Variants in CHRDL1 observed in about 807,000 individuals in gnomAD.
The protein encoded by CHRDL1 is chordin like 1.
In CHRDL1, 19 loss-of-function variants were observed where a neutral mutation model predicts 40.9. The ratio of observed to expected loss-of-function variants is 0.46; its 90% CI spans 0.32 to 0.68. The LOEUF is 0.68. CHRDL1 is among the 30% of genes least tolerant of loss of function. CHRDL1 has a pLI of 0.03. For missense variants in CHRDL1, 329 were observed against 352.1 expected (o/e 0.93, Z 0.53); for synonymous variants, 136 against 123.4 (o/e 1.10, Z -0.68).
In CHRDL1 at chrX:110,724,455, T is replaced by C. The variant is rs957244753; in HGVS notation, c.302-2925A>G. 1.3e-4 allele frequency among the ~76,000 whole-genome samples: 14 copies of C among 110,049 alleles called. No homozygotes were observed. The East Asian group carries it at 2.9e-3, about 23-fold the overall frequency. The stretch of plus-strand genomic sequence containing the variant: ...GAATCAAAGAAAAAGAAACCAATTA[T>C]GGTCATGCTTAAGGCTAGTTTTATG... On this transcript the variant is annotated intron_variant, in intron 4 of 11. Transcript: ENST00000372042.
chrX:110,675,672 C>CGTGTGT lies in CHRDL1; in HGVS notation c.*558_*559insACACAC, dbSNP rs1245840889. 1 of 56,846 alleles carries CGTGTGT rather than the reference C, an allele frequency of 1.8e-5. No individual in the cohort carries two copies. The highest frequency in any genetic ancestry group is 1.4e-4 in the African/African-American group (1 of 6,940). The allele number at this position is 56,846 out of a possible 1,213,427, so 4.7% of individuals were successfully genotyped here. A position where few individuals can be genotyped will look rare whatever the true frequency, so the allele number is the denominator to read the frequency against. ...AGCTTTCGTTTAATGTGAGTGTGGA[C>CGTGTGT]GTGCGTGTGTGTGTGTGTGTGTGTG... On this transcript the variant is annotated 3_prime_UTR_variant, in exon 12 of 12. Coordinates refer to ENST00000372042, the MANE Select transcript of CHRDL1 (RefSeq NM_001143981.2).
At chrX:110,688,901 T>G (rs1165965882) in intron 8 of CHRDL1, 98 bp from the exon 9 acceptor site, 1 of 628,586 alleles carries the variant, frequency 1.6e-6, no homozygotes, top group Non-Finnish European at 2.5e-6. Context: ...ATATCAAGCA[T>G]CCTTTGTTCT....
At chrX:110,731,971 T>C (rs1193586997) in intron 4 of CHRDL1, among the ~76,000 whole-genome samples, 4 of 108,027 alleles carry the variant, frequency 3.7e-5, no homozygotes, top group African/African-American at 1.4e-4. Context: ...AACCTCAGTA[T>C]GAGGTATGTA....
chrX:110,700,952 T>C (rs1375484149), intron 6 of CHRDL1, among the ~76,000 whole-genome samples: 1 of 111,970 alleles, frequency 8.9e-6, no homozygotes. Context: ...CCTAGCAACA[T>C]TATGCAGAAT....
chrX:110,747,124 T>C (rs2089268999), intron 4 of CHRDL1, among the ~76,000 whole-genome samples: 1 of 110,352 alleles, frequency 9.1e-6, no homozygotes, highest in Non-Finnish European at 1.9e-5. Context: ...CCAAAGCCCT[T>C]CTTCCTTCCC....
At chrX:110,792,315 AT>A (rs963324875) in intron 1 of CHRDL1, 100 bp from the exon 2 acceptor site, 4 of 409,407 alleles carry the variant, frequency 9.8e-6, no homozygotes, top group South Asian at 5.0e-5. Flanking sequence ...TAAAAAAAAA[AT>A]GTCCTAGAAT....
At chrX:110,702,443 T>C (rs1434280030) in intron 6 of CHRDL1, among the ~76,000 whole-genome samples, 4 of 112,106 alleles carry the variant, frequency 3.6e-5, no homozygotes, top group African/African-American at 9.7e-5. Flanking sequence ...CATAACTTTG[T>C]CCAACTGCTC....
At chrX:110,771,256 C>T (rs765194381) in intron 2 of CHRDL1, among the ~76,000 whole-genome samples, 1 of 111,500 alleles carries the variant, frequency 9.0e-6, no homozygotes, top group South Asian at 3.8e-4. Flanking sequence ...GATGGCTCCA[C>T]CGGTGAATTC....
chrX:110,676,980 G>T (rs961811565), intron 11 of CHRDL1, among the ~76,000 whole-genome samples: 4 of 110,793 alleles, frequency 3.6e-5, no homozygotes, highest in Non-Finnish European at 7.6e-5. Flanking sequence ...TATACCCCAT[G>T]GAATCCCTTT....
chrX:110,752,735 C>T (rs1230960635), intron 4 of CHRDL1, among the ~76,000 whole-genome samples: 1 of 111,234 alleles, frequency 9.0e-6, no homozygotes, highest in African/African-American at 3.3e-5. Flanking sequence ...ATCTTGCACA[C>T]TACAGCTATT....
intron 2 of CHRDL1, among the ~76,000 whole-genome samples, chrX:110,789,643 C>T (rs906983691): frequency 9.0e-6 from 1 of 111,683 alleles, no homozygotes; most frequent in African/African-American, 3.2e-5. Flanking sequence ...TGAGCAAAAG[C>T]AAATCACAGA....
At chrX:110,722,583 C>A (rs1039137141) in intron 4 of CHRDL1, among the ~76,000 whole-genome samples, 3 of 112,286 alleles carry the variant, frequency 2.7e-5, no homozygotes, top group African/African-American at 9.7e-5. Context: ...AGTAACCCAG[C>A]AGACCATTTA....
At chrX:110,770,258 C>A (rs867301004) in intron 2 of CHRDL1, among the ~76,000 whole-genome samples, 6 of 111,944 alleles carry the variant, frequency 5.4e-5, no homozygotes, top group Non-Finnish European at 9.4e-5. Flanking sequence ...ATTTTATAAA[C>A]ATTATACATA....
In CHRDL1 at chrX:110,762,727, A is replaced by T; in HGVS notation, c.175T>A (p.Leu59Met). Residue 59 changes from leucine (L) to methionine (M), a missense_variant, in exon 3 of 12, where the codon TTG becomes ATG. Physicochemically the swap from Leu to Met is conservative, Grantham distance 15. Coordinates refer to ENST00000372042, the MANE Select transcript of CHRDL1 (RefSeq NM_001143981.2). ...RWHPYLEPYG[L>M]VYCVNCICSE... ...CAGATGCAGTTCACGCAGTAAACCA[A>T]CCCATAAGGTTCCAGGTAAGGATGC... The T allele has an allele frequency of 6.7e-6, 8 of 1,186,928 alleles. No individual in the cohort carries two copies. Among genetic ancestry groups the T allele is most frequent in the Non-Finnish European group, 9.1e-6 (8 of 874,795 alleles).
intron 6 of CHRDL1, among the ~76,000 whole-genome samples, chrX:110,714,872 T>A (rs1393227331): frequency 8.9e-6 from 1 of 111,783 alleles, no homozygotes; most frequent in Non-Finnish European, 1.9e-5. Context: ...CCCTGCTGTA[T>A]GAGTAATACG....
intron 2 of CHRDL1, among the ~76,000 whole-genome samples, chrX:110,790,473 A>G (rs2090081277): frequency 9.0e-6 from 1 of 111,648 alleles, no homozygotes. Flanking sequence ...AAGGCTTTCC[A>G]TAAGAGATGG....
At chrX:110,742,853 T>A (rs1331670576) in intron 4 of CHRDL1, among the ~76,000 whole-genome samples, 4 of 111,637 alleles carry the variant, frequency 3.6e-5, no homozygotes, top group Non-Finnish European at 7.5e-5. Flanking sequence ...CTTTTCAAGG[T>A]ATAACTTTCT....
At chrX:110,766,289 A>T (rs762009539) in intron 2 of CHRDL1, among the ~76,000 whole-genome samples, 17 of 111,014 alleles carry the variant, frequency 1.5e-4, no homozygotes, top group Non-Finnish European at 2.8e-4. Context: ...ACCTCAAGGA[A>T]CTAGAGAAAC....
intron 2 of CHRDL1, among the ~76,000 whole-genome samples, chrX:110,763,825 A>G (rs1369457558): frequency 1.8e-5 from 2 of 111,852 alleles, no homozygotes; most frequent in Non-Finnish European, 3.8e-5. Context: ...ACTGTTTTCC[A>G]TAGCGGATGT....
Sources: gnomAD v4.1 joint callset for allele counts (sites outside exome capture counted in the v4.1 genomes callset) on GRCh38, gnomAD v4.1.1 for gene constraint, MANE v1.5 for transcripts, NCBI Gene and HGNC (gene_info 2026-07-23, HGNC 2026-07-21) for gene names.